The following GDPD4 variants were observed in gnomAD, a reference collection of about 807,000 sequenced individuals.
GDPD4 encodes glycerophosphodiester phosphodiesterase domain containing 4.
GDPD4 carries 60 observed loss-of-function variants against 67.8 expected under a neutral mutation model. The ratio of observed to expected loss-of-function variants is 0.88; its 90% CI spans 0.72 to 1.10. The LOEUF is 1.10. Ranked by LOEUF, GDPD4 falls within the 50% of genes least tolerant of loss-of-function variation. The pLI is 0.00. For synonymous variants in GDPD4, 212 were observed against 210.9 expected (o/e 1.00, Z -0.04); for missense variants, 623 against 613.9 (o/e 1.01, Z -0.16).
chr11:77,257,847 G>C (rs1959034988), intron 11 of GDPD4, among the ~76,000 whole-genome samples: 2 of 152,126 alleles, frequency 1.3e-5, no homozygotes, highest in African/African-American at 4.8e-5. Context: ...GTCTGAGTTA[G>C]AAGTTGTTCT....
chr11:77,280,970 T>G (rs749236190), intron 3 of GDPD4, among the ~76,000 whole-genome samples: 4 of 152,248 alleles, frequency 2.6e-5, no homozygotes, highest in Admixed American at 2.6e-4. Flanking sequence ...CTGATGACTA[T>G]GCAGAAGTCC....
intron 16 of GDPD4, among the ~76,000 whole-genome samples, chr11:77,219,817 C>G (rs1958193292): frequency 6.6e-6 from 1 of 152,148 alleles, no homozygotes; most frequent in Admixed American, 6.5e-5. Flanking sequence ...TAGCTTGATG[C>G]CTCCAGCTTT....
intron 1 of GDPD4, among the ~76,000 whole-genome samples, chr11:77,289,922 A>G (rs1329579854): frequency 6.6e-6 from 1 of 152,176 alleles, no homozygotes. Flanking sequence ...CCATAAAGTG[A>G]CCAAGTACTC....
At chr11:77,260,012 G>A (rs2135860567) in intron 10 of GDPD4, among the ~76,000 whole-genome samples, 1 of 152,210 alleles carries the variant, frequency 6.6e-6, no homozygotes, top group Middle Eastern at 3.4e-3. Context: ...GACTCCAGAA[G>A]ATCACACCTT....
chr11:77,263,747 T>TG (rs1959163165), intron 10 of GDPD4, among the ~76,000 whole-genome samples: 1 of 152,206 alleles, frequency 6.6e-6, no homozygotes, highest in Admixed American at 6.5e-5. Context: ...GCATGACACA[T>TG]CTTCATTAAA....
chr11:77,240,314 A>G (rs919635258), intron 13 of GDPD4, among the ~76,000 whole-genome samples: 1 of 152,206 alleles, frequency 6.6e-6, no homozygotes, highest in Non-Finnish European at 1.5e-5. Flanking sequence ...AACAGAATAG[A>G]GAGCCCAGAT....
intron 3 of GDPD4, 44 bp downstream of exon 3, chr11:77,285,041 C>T: frequency 6.8e-7 from 1 of 1,461,088 alleles, no homozygotes; most frequent in Non-Finnish European, 9.6e-7. Context: ...GCTATCAGAC[C>T]AAAATACCCT....
At position 77,271,342 on chromosome 11, in the gene GDPD4, A is replaced by G. The variant is rs1267541866; in HGVS notation, c.259T>C (p.Cys87Arg). 3 of 1,614,084 alleles carry G rather than the reference A, an allele frequency of 1.9e-6. No homozygotes were observed. The highest frequency in any genetic ancestry group is 8.5e-7 in the Non-Finnish European group (1 of 1,179,904). Residue 87 changes from cysteine (C) to arginine (R), a missense_variant, in exon 6 of 17, where the codon TGC (cysteine) becomes CGC (arginine). Coordinates refer to ENST00000315938, the MANE Select transcript of GDPD4 (RefSeq NM_182833.3). ...LLCVILMFIICKFWKERWLVA... is the reference protein window; with the variant it reads ...LLCVILMFIIRKFWKERWLVA... Reference sequence around the variant, plus strand: ...AGCCACCTTTCTTTCCAGAATTTGCATATAATGAACATTAAAATGACACAC... The same window carrying G: ...AGCCACCTTTCTTTCCAGAATTTGCGTATAATGAACATTAAAATGACACAC...
chr11:77,245,417 A>C lies in GDPD4; in HGVS notation c.950T>G (p.Leu317Ter). The change falls in exon 12 of 17, where the codon TTA (leucine) becomes TGA (stop). Residue 317 changes from leucine (L) to a stop codon, truncating the protein, a stop_gained. Transcript: ENST00000315938. LOFTEE classifies it high-confidence loss of function. ...TCTTTCCTTCTCTGCAAGTGTCAATAAATCAGCTAGTGTTGGAATTGACTG... is the reference window on the plus strand; with the variant it reads ...TCTTTCCTTCTCTGCAAGTGTCAATCAATCAGCTAGTGTTGGAATTGACTG... ...RNQSIPTLAD[L>*]LTLAEKERKF... is the part of the protein sequence containing the mutation. 2 of 1,614,124 alleles carry C rather than the reference A, an allele frequency of 1.2e-6. No homozygotes were observed. Among genetic ancestry groups the C allele is most frequent in the Non-Finnish European group, 1.7e-6 (2 of 1,179,964 alleles).
chr11:77,277,291 G>A (rs1027692789), intron 4 of GDPD4, among the ~76,000 whole-genome samples: 3 of 143,966 alleles, frequency 2.1e-5, no homozygotes, highest in Non-Finnish European at 4.5e-5. Context: ...ACAACATCAA[G>A]AATAATTTTC....
At chr11:77,245,978 T>C (rs1386500219) in intron 11 of GDPD4, among the ~76,000 whole-genome samples, 1 of 152,202 alleles carries the variant, frequency 6.6e-6, no homozygotes, top group Non-Finnish European at 1.5e-5. Flanking sequence ...CTCATGAAGC[T>C]TTCCTTTAAT....
chr11:77,269,438 A>G (rs2135871238), intron 8 of GDPD4, among the ~76,000 whole-genome samples: 1 of 152,290 alleles, frequency 6.6e-6, no homozygotes. Flanking sequence ...GAGCCTGTAA[A>G]GATCATCCTA....
chr11:77,298,872 G>A (rs1443769497), intron 1 of GDPD4, among the ~76,000 whole-genome samples: 3 of 152,018 alleles, frequency 2.0e-5, no homozygotes, highest in African/African-American at 7.3e-5. Context: ...CCAGAGTCAG[G>A]TTGGAAAGAA....
intron 10 of GDPD4, among the ~76,000 whole-genome samples, chr11:77,263,299 G>A (rs760780407): frequency 1.3e-5 from 2 of 152,130 alleles, no homozygotes; most frequent in East Asian, 1.9e-4. Flanking sequence ...AATGAGGTTC[G>A]TGATAGCACC....
chr11:77,217,739 C>T (rs144206895), intron 16 of GDPD4, among the ~76,000 whole-genome samples: 2,427 of 152,218 alleles, frequency 0.016, 23 homozygotes, highest in African/African-American at 0.025. Context: ...GCTCAATAAA[C>T]AATTTCTGTC....
At chr11:77,269,824 C>G in intron 8 of GDPD4, 59 bp downstream of exon 8, 1 of 901,136 alleles carries the variant, frequency 1.1e-6, no homozygotes, top group East Asian at 2.4e-5. Context: ...CCCATTTGTA[C>G]ATTTTCAAGT....
intron 13 of GDPD4, among the ~76,000 whole-genome samples, chr11:77,238,815 G>A (rs1958611288): frequency 6.6e-6 from 1 of 152,016 alleles, no homozygotes; most frequent in Non-Finnish European, 1.5e-5. Flanking sequence ...AAAAAATAAA[G>A]TGGAGGGAAT....
intron 1 of GDPD4, among the ~76,000 whole-genome samples, chr11:77,292,163 C>T (rs1937800040): frequency 1.3e-5 from 2 of 151,308 alleles, no homozygotes; most frequent in African/African-American, 4.9e-5. Context: ...ATTCATTGAC[C>T]TTCCAATGAG....
chr11:77,286,367 C>G (rs962289708), intron 2 of GDPD4, among the ~76,000 whole-genome samples: 1 of 152,160 alleles, frequency 6.6e-6, no homozygotes, highest in Non-Finnish European at 1.5e-5. Context: ...GACTGAATTC[C>G]TTGAGAGCAG....
Sources: gnomAD v4.1 joint callset for allele counts (sites outside exome capture counted in the v4.1 genomes callset) on GRCh38, gnomAD v4.1.1 for gene constraint, MANE v1.5 for transcripts, NCBI Gene and HGNC (gene_info 2026-07-23, HGNC 2026-07-21) for gene names.